Variants in COBL observed in about 807,000 individuals in gnomAD.
The protein encoded by COBL is protein cordon-bleu.
In COBL, 51 loss-of-function variants were observed where a neutral mutation model predicts 98.8. That is an observed-to-expected ratio of 0.52 (90% CI 0.41 to 0.65). The LOEUF is 0.65. Among genes scored for constraint, COBL ranks in the 30% least tolerant of loss-of-function variants. COBL has a pLI of 0.00. For synonymous variants in COBL, 634 were observed against 651.7 expected (o/e 0.97, Z 0.41); for missense variants, 1,617 against 1,617.5 (o/e 1.00, Z 0.01).
chr7:51,120,626 A>G (rs1022174773), intron 6 of COBL, among the ~76,000 whole-genome samples: 15 of 152,064 alleles, frequency 9.9e-5, no homozygotes, highest in African/African-American at 4.8e-5. Flanking sequence ...CCATCCCACA[A>G]TAACTCCCCA....
At chr7:51,243,057 T>TA (rs1354112605) in intron 1 of COBL, among the ~76,000 whole-genome samples, 1 of 152,182 alleles carries the variant, frequency 6.6e-6, no homozygotes, top group Non-Finnish European at 1.5e-5. Context: ...CTGCGCTTGT[T>TA]AAACTCGCCT....
At chr7:51,224,858 T>C (rs1794027362) in intron 1 of COBL, among the ~76,000 whole-genome samples, 2 of 152,076 alleles carry the variant, frequency 1.3e-5, no homozygotes, top group Admixed American at 1.3e-4. Context: ...TTAGTAGAGA[T>C]GGGGTTACAC....
chr7:51,045,658 G>A (rs1019670239), intron 7 of COBL, among the ~76,000 whole-genome samples: 2 of 152,188 alleles, frequency 1.3e-5, no homozygotes, highest in Non-Finnish European at 2.9e-5. Flanking sequence ...GAGGCCCTCA[G>A]AGCACCTGGT....
intron 1 of COBL, among the ~76,000 whole-genome samples, chr7:51,309,230 T>C (rs559508705): frequency 8.5e-5 from 13 of 152,230 alleles, no homozygotes; most frequent in South Asian, 2.1e-4. Context: ...GCAAAGGGAC[T>C]TGTATGGCTG....
At chr7:51,140,367 G>A (rs1799621687) in intron 5 of COBL, among the ~76,000 whole-genome samples, 1 of 152,070 alleles carries the variant, frequency 6.6e-6, no homozygotes, top group South Asian at 2.1e-4. Context: ...TAAAACATCA[G>A]TGATTTGACT....
At chr7:51,243,389 A>T (rs748958127) in intron 1 of COBL, among the ~76,000 whole-genome samples, 1 of 152,198 alleles carries the variant, frequency 6.6e-6, no homozygotes, top group Non-Finnish European at 1.5e-5. Context: ...CACTGCCCTC[A>T]TGGGACTGCA....
intron 4 of COBL, among the ~76,000 whole-genome samples, chr7:51,187,321 TATATATATATACAC>T (rs971572782): frequency 8.1e-5 from 11 of 135,586 alleles, no homozygotes; most frequent in African/African-American, 3.5e-4. Flanking sequence ...TATATATATA[TATATATATATACAC>T]ACACACACAC....
intron 8 of COBL, 119 bp from the exon 9 acceptor site, chr7:51,031,028 C>T (rs1016849020): frequency 3.8e-5 from 27 of 714,576 alleles, no homozygotes; most frequent in Non-Finnish European, 6.1e-5. Context: ...GTCACATACT[C>T]ACTGTACTGC....
intron 4 of COBL, among the ~76,000 whole-genome samples, chr7:51,184,855 A>G (rs754470705): frequency 2.0e-5 from 3 of 152,190 alleles, no homozygotes; most frequent in Non-Finnish European, 4.4e-5. Context: ...TAACTAAATG[A>G]AATAAATCAG....
chr7:51,228,164 C>T (rs1001196586), intron 1 of COBL, among the ~76,000 whole-genome samples: 10 of 152,088 alleles, frequency 6.6e-5, no homozygotes, highest in African/African-American at 2.2e-4. Context: ...AATCCAGCCA[C>T]GACGTGGCCA....
At chr7:51,065,019 A>G (rs1791758658) in intron 7 of COBL, 1 of 607,082 alleles carries the variant, frequency 1.6e-6, no homozygotes, top group Non-Finnish European at 2.9e-6. Flanking sequence ...GACAGAATTC[A>G]TTACATTAGA....
chr7:51,228,402 T>TAAAAAA (rs5884197), intron 1 of COBL, among the ~76,000 whole-genome samples: 2 of 148,466 alleles, frequency 1.3e-5, no homozygotes, highest in Non-Finnish European at 1.5e-5. Flanking sequence ...TCTTTTGGAT[T>TAAAAAA]AAAAAAAAAA....
chr7:51,126,681 G>A (rs1302041526), intron 6 of COBL, among the ~76,000 whole-genome samples: 2 of 152,234 alleles, frequency 1.3e-5, no homozygotes, highest in Non-Finnish European at 1.5e-5. Context: ...TCTGGACGTC[G>A]TCAGAGACCC....
At chr7:51,049,200 C>A (rs528380601) in intron 7 of COBL, among the ~76,000 whole-genome samples, 32 of 152,302 alleles carry the variant, frequency 2.1e-4, no homozygotes, top group Non-Finnish European at 3.5e-4. Context: ...AGATTCGCCA[C>A]CAACTCATTA....
Position 51,085,263 on chromosome 7 carries a change from C to T in COBL, c.999G>A (p.Arg333=), listed in dbSNP as rs1218854880. ...GSQIDLQKKK[R]RAPAPPPPQP... is the part of the protein sequence containing the mutation. ...GTGGTGGAGGGGGAGCTGGCGCTCG[C>T]CGCTTCTTCTTCTGTAAATCAATCT... is the stretch of plus-strand genomic sequence containing the variant. The change falls in exon 7 of 13, where the codon CGG becomes CGA. Residue 333 remains arginine, a synonymous_variant. Transcript: ENST00000265136. 6.9e-6 allele frequency: 11 copies of T among 1,587,130 alleles called. No homozygotes were observed. The South Asian group carries it at 1.2e-4, about 18-fold the overall frequency.
At chr7:51,256,782 T>G (rs1797239572) in intron 1 of COBL, among the ~76,000 whole-genome samples, 1 of 152,218 alleles carries the variant, frequency 6.6e-6, no homozygotes, top group Admixed American at 6.5e-5. Context: ...ATGAGAAGTT[T>G]TATTACCTCA....
chr7:51,249,708 C>G (rs1453071588), intron 1 of COBL, among the ~76,000 whole-genome samples: 1 of 152,200 alleles, frequency 6.6e-6, no homozygotes, highest in African/African-American at 2.4e-5. Context: ...AGAATAACAA[C>G]TGGATTACCA....
At position 51,175,447 on chromosome 7, in the gene COBL, T is replaced by A. The variant is rs974895128; in HGVS notation, c.783+8655A>T. 4.6e-5 allele frequency among the ~76,000 whole-genome samples: 7 copies of A among 152,306 alleles called. No individual in the cohort carries two copies. In the South Asian group the frequency reaches 1.2e-3, roughly 27 times the overall value. ...TAAACTGCCTGCAGACCTTTCTCAG[T>A]CCCTTGGAGATGTAAATCTTACCAT... is the stretch of plus-strand genomic sequence containing the variant. On this transcript the variant is annotated intron_variant, in intron 5 of 12. Transcript: ENST00000265136.
chr7:51,315,207 T>C (rs2129225151), intron 1 of COBL, among the ~76,000 whole-genome samples: 1 of 150,980 alleles, frequency 6.6e-6, no homozygotes, highest in South Asian at 2.1e-4. Flanking sequence ...ACTTTCTTTC[T>C]GGGGAATTTG....
Sources: allele counts gnomAD v4.1 joint callset (sites outside exome capture counted in the v4.1 genomes callset), GRCh38; gene constraint gnomAD v4.1.1; transcripts MANE v1.5; gene names NCBI Gene and HGNC (gene_info 2026-07-23, HGNC 2026-07-21).